The following LRRC63 variants were observed in gnomAD, a reference collection of about 807,000 sequenced individuals.
LRRC63 encodes leucine-rich repeat-containing protein 63.
LRRC63 carries 40 observed loss-of-function variants against 49.5 expected under a neutral mutation model. That is an observed-to-expected ratio of 0.81 (90% CI 0.63 to 1.05). LRRC63 has a LOEUF of 1.05. Ranked by LOEUF, LRRC63 falls within the 50% of genes least tolerant of loss-of-function variation. The pLI is 0.00. For missense variants in LRRC63, 636 were observed against 663.1 expected (o/e 0.96, Z 0.45); for synonymous variants, 191 against 221.1 (o/e 0.86, Z 1.21).
chr13:46,257,888 A>T (rs1458488901), intron 7 of LRRC63, among the ~76,000 whole-genome samples: 1 of 151,930 alleles, frequency 6.6e-6, no homozygotes, highest in African/African-American at 2.4e-5. Context: ...TCTTTTTCTT[A>T]TAGTTTCCAT....
chr13:46,212,120 GATTATCCTAAAGGGT>G (rs1358606302), exon 1 of LRRC63: 1 of 152,282 alleles, frequency 6.6e-6, no homozygotes, highest in Non-Finnish European at 1.5e-5. Context: ...GAAAGCGGCC[GATTATCCTAAAGGGT>G]AGTGTGGGAG....
intron 8 of LRRC63, among the ~76,000 whole-genome samples, chr13:46,264,992 A>G (rs1566511929): frequency 6.6e-6 from 1 of 152,090 alleles, no homozygotes; most frequent in Non-Finnish European, 1.5e-5. Flanking sequence ...CCCCGTCTCT[A>G]CTAAAAAGAC....
intron 7 of LRRC63, among the ~76,000 whole-genome samples, chr13:46,258,723 G>A (rs1211479964): frequency 5.4e-5 from 8 of 147,032 alleles, no homozygotes; most frequent in African/African-American, 1.0e-4. Context: ...CAGGAGAATC[G>A]CTTGAACCAG....
At chr13:46,219,138 A>C (rs1161003938) in intron 2 of LRRC63, among the ~76,000 whole-genome samples, 2 of 152,010 alleles carry the variant, frequency 1.3e-5, no homozygotes, top group Non-Finnish European at 2.9e-5. Flanking sequence ...CTGAATTTGA[A>C]TGTTGGTCTG....
At chr13:46,237,088 C>T (rs963567690) in intron 5 of LRRC63, among the ~76,000 whole-genome samples, 4 of 151,980 alleles carry the variant, frequency 2.6e-5, no homozygotes, top group Non-Finnish European at 5.9e-5. Context: ...TAATGTGGCA[C>T]ACTACAGAAA....
At chr13:46,244,276 T>C (rs1459179170) in intron 5 of LRRC63, among the ~76,000 whole-genome samples, 1 of 152,184 alleles carries the variant, frequency 6.6e-6, no homozygotes, top group Non-Finnish European at 1.5e-5. Flanking sequence ...TCTTACCCTT[T>C]TCTATGGTGC....
intron 5 of LRRC63, among the ~76,000 whole-genome samples, chr13:46,236,953 T>C (rs1302149994): frequency 1.3e-5 from 2 of 152,168 alleles, no homozygotes; most frequent in Non-Finnish European, 1.5e-5. Context: ...TTGTGTGCCA[T>C]TGGAGTTAAT....
At chr13:46,244,184 T>C (rs114554859) in intron 5 of LRRC63, among the ~76,000 whole-genome samples, 2,218 of 152,312 alleles carry the variant, frequency 0.015, 64 homozygotes, top group African/African-American at 0.051. Context: ...ATAGCTAATA[T>C]AAAAGTAAAA....
intron 4 of LRRC63, among the ~76,000 whole-genome samples, chr13:46,231,161 T>C (rs2046743696): frequency 6.6e-6 from 1 of 152,230 alleles, no homozygotes; most frequent in Non-Finnish European, 1.5e-5. Flanking sequence ...TGTCTTCTTC[T>C]GAGCCCTAGA....
intron 2 of LRRC63, among the ~76,000 whole-genome samples, chr13:46,215,464 GT>G (rs141080652): frequency 0.48 from 73,087 of 151,214 alleles, 19,168 homozygotes; most frequent in African/African-American, 0.67. Context: ...GGGGTGGTTT[GT>G]TTTTTTTTAT....
chr13:46,265,202 A>G (rs1252134629), intron 8 of LRRC63, among the ~76,000 whole-genome samples: 2 of 151,964 alleles, frequency 1.3e-5, no homozygotes, highest in African/African-American at 4.8e-5. Context: ...CTTAGAACTC[A>G]TTGAGGGGAA....
chr13:46,231,016 C>T (rs559404956), intron 4 of LRRC63, among the ~76,000 whole-genome samples: 1 of 152,314 alleles, frequency 6.6e-6, no homozygotes, highest in African/African-American at 2.4e-5. Context: ...GTGACTTTTG[C>T]TCCAGTTTCA....
chr13:46,250,000 T>C (rs1308530327), intron 6 of LRRC63: 1 of 157,460 alleles, frequency 6.4e-6, no homozygotes, highest in African/African-American at 2.4e-5. Flanking sequence ...TAAGGTTAAT[T>C]CCACCTTTCT....
At chr13:46,240,843 GC>G (rs2047041360) in intron 5 of LRRC63, among the ~76,000 whole-genome samples, 1 of 152,126 alleles carries the variant, frequency 6.6e-6, no homozygotes, top group African/African-American at 2.4e-5. Context: ...GATGACACAA[GC>G]AAATGGAAAA....
chr13:46,236,909 A>G (rs561051501), intron 5 of LRRC63, among the ~76,000 whole-genome samples: 1 of 152,306 alleles, frequency 6.6e-6, no homozygotes, highest in Admixed American at 6.5e-5. Flanking sequence ...GTGACAAAAC[A>G]GAAGGGAGAT....
intron 5 of LRRC63, among the ~76,000 whole-genome samples, chr13:46,242,803 C>T (rs2047102377): frequency 2.0e-5 from 3 of 150,616 alleles, no homozygotes; most frequent in East Asian, 3.9e-4. Flanking sequence ...GACTACTATA[C>T]CCATTAAAGT....
At position 46,246,637 on chromosome 13, in the gene LRRC63, T is replaced by G. The variant is rs965096247; in HGVS notation, c.1089+12T>G. On this transcript the variant is annotated intron_variant, in intron 6 of 9. Coordinates refer to ENST00000595396, the Ensembl canonical transcript of LRRC63. ...ACTTTCCCACAGAAGTGAGTCAACTTTTATTGTTATGTACTGATATAACTT... is the reference window on the plus strand; with the variant it reads ...ACTTTCCCACAGAAGTGAGTCAACTGTTATTGTTATGTACTGATATAACTT... The G allele has an allele frequency of 7.9e-7, 1 of 1,271,098 alleles. No individual in the cohort carries two copies. The allele number at this position is 1,271,098 out of a possible 1,614,324, so 78.7% of individuals were successfully genotyped here. A position where few individuals can be genotyped will look rare whatever the true frequency, so the allele number is the denominator to read the frequency against.
chr13:46,229,234 T>C (rs547447203), intron 4 of LRRC63, among the ~76,000 whole-genome samples: 1 of 152,322 alleles, frequency 6.6e-6, no homozygotes, highest in Non-Finnish European at 1.5e-5. Context: ...TTAGAATTAT[T>C]GGGCACATTT....
chr13:46,276,493 G>A (rs2047839182), intron 9 of LRRC63, 97 bp from the exon 10 acceptor site: 2 of 529,812 alleles, frequency 3.8e-6, no homozygotes, highest in Non-Finnish European at 2.9e-6. Flanking sequence ...GCTCAATGAA[G>A]GTAAGGGCAG....
Sources: allele counts gnomAD v4.1 joint callset (sites outside exome capture counted in the v4.1 genomes callset), GRCh38; gene constraint gnomAD v4.1.1; transcripts MANE v1.5; gene names NCBI Gene and HGNC (gene_info 2026-07-23, HGNC 2026-07-21).